Variants in CHRD observed in about 807,000 individuals in gnomAD.
CHRD encodes the protein chordin.
A neutral mutation model predicts 113.7 loss-of-function variants in CHRD; 69 were observed. The ratio of observed to expected loss-of-function variants is 0.61; its 90% confidence interval spans 0.50 to 0.74. CHRD has a LOEUF of 0.74. CHRD is among the 30% of genes least tolerant of loss of function. The pLI, the probability that CHRD is intolerant of heterozygous loss-of-function variation, is 0.00. For missense variants in CHRD, 1,194 were observed against 1,295.8 expected (o/e 0.92, Z 1.21); for synonymous variants, 561 against 540.8 (o/e 1.04, Z -0.52).
Position 184,383,175 on chromosome 3 carries a change from G to C in CHRD, c.1213+12G>C. On this transcript the variant is annotated intron_variant, in intron 10 of 22. Coordinates refer to ENST00000204604, the Ensembl canonical transcript of CHRD. ...GAAGAGCTGCGACGGTGAGGCGGGG[G>C]GGGGGCCTGGTGCGCCGGGCATGCA... The C allele has an allele frequency of 1.3e-6, 2 of 1,595,188 alleles. No individual in the cohort carries two copies. The highest frequency in any genetic ancestry group is 1.7e-6 in the Non-Finnish European group (2 of 1,170,524).
chr3:184,386,948 C>A lies in CHRD; in HGVS notation c.2290+10C>A. The A allele has an allele frequency of 1.2e-6, 2 of 1,614,200 alleles. No homozygotes were observed. The highest frequency in any genetic ancestry group is 1.7e-6 in the Non-Finnish European group (2 of 1,180,026). On this transcript the variant is annotated intron_variant, in intron 17 of 22. Coordinates refer to ENST00000204604, the Ensembl canonical transcript of CHRD. ...TGCCCTGTTTGCCCTGGTGAGTTCC[C>A]CGCAGGGGAGTGGAGGGAGGAGTTG...
exon 7 of CHRD, chr3:184,382,427 G>A (rs751920863): frequency 6.2e-7 from 1 of 1,614,112 alleles, no homozygotes; most frequent in African/African-American, 1.3e-5. Context: ...GGTTGTCTCT[G>A]CGGCTCCTTA....
At chr3:184,382,254 G>C in intron 6 of CHRD, 135 bp from the exon 7 acceptor site, 1 of 1,416,960 alleles carries the variant, frequency 7.1e-7, no homozygotes, top group Non-Finnish European at 9.7e-7. Context: ...TGGCTCCAGC[G>C]TTCTTTCTTA....
At chr3:184,385,202 G>A (rs773129469) in exon 14 of CHRD, 5 of 1,613,916 alleles carry the variant, frequency 3.1e-6, no homozygotes, top group Non-Finnish European at 3.4e-6. Flanking sequence ...GAACGCCAGG[G>A]CCTCGGCGGC....
At position 184,381,554 on chromosome 3, in the gene CHRD, G is replaced by C. The variant is rs3749228; in HGVS notation, c.441G>C (p.Pro147=). Reference sequence around the variant, plus strand: ...TGTCCTTCGAGTATCCGCGGGACCCGGAGCATCGCAGTTATAGCGACCGCG... The same window carrying C: ...TGTCCTTCGAGTATCCGCGGGACCCCGAGCATCGCAGTTATAGCGACCGCG... The change falls in exon 4 of 23, where the codon CCG becomes CCC. Residue 147 remains proline, a synonymous_variant. Transcript: ENST00000204604. This position sits in a 1 kb window ranked among gnomAD's most constrained non-coding sequence, Gnocchi z 4.7. The C allele has an allele frequency of 0.071, 113,800 of 1,608,064 alleles. 4,725 individuals carry two copies. The highest frequency in any genetic ancestry group is 0.13 in the Admixed American group (7,785 of 59,586).
chr3:184,384,369 C>T lies in CHRD; in HGVS notation c.1441-168C>T, dbSNP rs1244390720. 6.6e-6 allele frequency among the ~76,000 whole-genome samples: 1 copy of T among 152,196 alleles called. No individual in the cohort carries two copies. Among genetic ancestry groups the T allele is most frequent in the East Asian group, 1.9e-4 (1 of 5,196 alleles). ...GTTACTCTTGAAGGTTGTTACATAGCTAGGAAGCAGCAGGGGAGGGCCTTG... is the reference window on the plus strand; with the variant it reads ...GTTACTCTTGAAGGTTGTTACATAGTTAGGAAGCAGCAGGGGAGGGCCTTG... On this transcript the variant is annotated intron_variant, in intron 12 of 22. Transcript: ENST00000204604. This position sits in a 1 kb window ranked among gnomAD's most constrained non-coding sequence, Gnocchi z 4.4.
At position 184,384,908 on chromosome 3, in the gene CHRD, ACAGTGTCTTC is replaced by A; in HGVS notation, c.1598-106_1598-97del. ...TGCTCTCCAGGCCCTGGACCTATGGACAGTGTCTTCCAGCTCGTGGAATGTGTGCTGGGGA... is the reference window on the plus strand; with the variant it reads ...TGCTCTCCAGGCCCTGGACCTATGGACAGCTCGTGGAATGTGTGCTGGGGA... On this transcript the variant is annotated intron_variant, in intron 13 of 22. Coordinates refer to ENST00000204604, the Ensembl canonical transcript of CHRD. The surrounding 1 kb of genome is among the most constrained non-coding windows in gnomAD (Gnocchi z 4.4). The A allele has an allele frequency of 7.7e-7, 1 of 1,295,716 alleles. No individual in the cohort carries two copies. Among genetic ancestry groups the A allele is most frequent in the Non-Finnish European group, 1.1e-6 (1 of 918,586 alleles). The allele number at this position is 1,295,716 out of a possible 1,614,324, so 80.3% of individuals were successfully genotyped here.
At position 184,385,302 on chromosome 3, in the gene CHRD, G is replaced by A. The variant is rs1560307301; in HGVS notation, c.1818+64G>A. ...TGTTTTTTAGCTTGAAGGGCTGTGT[G>A]GGCCTGTGTTGGGGAAAGCAGAGAG... On this transcript the variant is annotated intron_variant, in intron 14 of 22. Coordinates refer to ENST00000204604, the Ensembl canonical transcript of CHRD. 1.8e-5 allele frequency: 23 copies of A among 1,263,074 alleles called. No individual in the cohort carries two copies. In the South Asian group the frequency reaches 2.3e-4, roughly 13 times the overall value. 78.2% of individuals were successfully genotyped at this position (1,263,074 alleles called of 1,614,324 possible).
At chr3:184,389,575 C>T (rs372591417) in exon 23 of CHRD, 16 of 672,552 alleles carry the variant, frequency 2.4e-5, no homozygotes, top group African/African-American at 1.4e-4. Flanking sequence ...CTGGGAACCA[C>T]AGCTCCACAA....
Position 184,388,100 on chromosome 3 carries a change from G to A in CHRD, c.2554+67G>A. On this transcript the variant is annotated intron_variant, in intron 20 of 22. Transcript: ENST00000204604. This position sits in a 1 kb window ranked among gnomAD's most constrained non-coding sequence, Gnocchi z 6.1. ...GAGGCAGGCTTTGTCCTGGGTGAGG[G>A]GAAGGGTGCTCAGTTAATTGAGCAT... is the stretch of plus-strand genomic sequence containing the variant. The A allele has an allele frequency of 1.5e-6, 2 of 1,365,876 alleles. No homozygotes were observed. The highest frequency in any genetic ancestry group is 2.1e-6 in the Non-Finnish European group (2 of 968,258). 84.6% of individuals were successfully genotyped at this position (1,365,876 alleles called of 1,614,324 possible).
intron 22 of CHRD, 86 bp from the exon 23 acceptor site, chr3:184,389,281 G>A: frequency 7.8e-7 from 1 of 1,289,084 alleles, no homozygotes. Flanking sequence ...GACCAAGGCA[G>A]GGATGCTTTG....
rs577033102 is a variant in CHRD, at chr3:184,384,274, G to T, written c.1441-263G>T. On this transcript the variant is annotated intron_variant, in intron 12 of 22. Coordinates refer to ENST00000204604, the Ensembl canonical transcript of CHRD. The surrounding 1 kb of genome is among the most constrained non-coding windows in gnomAD (Gnocchi z 4.4). Reference sequence around the variant, plus strand: ...CCATGTGCTAGGTGCTGCATTGGTGGCCTTACATAGTTTTTGGCTTTCACA... The same window carrying T: ...CCATGTGCTAGGTGCTGCATTGGTGTCCTTACATAGTTTTTGGCTTTCACA... Among the ~76,000 whole-genome samples the T allele has an allele frequency of 5.3e-5, 8 of 152,346 alleles. No individual in the cohort carries two copies. The highest frequency in any genetic ancestry group is 1.7e-4 in the African/African-American group (7 of 41,572).
At position 184,388,229 on chromosome 3, in the gene CHRD, ATCCATCCG is replaced by A. The variant is rs1212953600; in HGVS notation, c.2554+204_2554+211del. ...TATGATGGGTTCTGGTTCCTGCTCC[ATCCATCCG>A]TCCATCCATCCATCCATCCATCCAT... On this transcript the variant is annotated intron_variant, in intron 20 of 22. Coordinates refer to ENST00000204604, the Ensembl canonical transcript of CHRD. This position sits in a 1 kb window ranked among gnomAD's most constrained non-coding sequence, Gnocchi z 6.1. 7.0e-6 allele frequency among the ~76,000 whole-genome samples: 1 copy of A among 142,468 alleles called. No homozygotes were observed. The highest frequency in any genetic ancestry group is 2.7e-5 in the African/African-American group (1 of 36,504). The allele number at this position is 142,468 out of a possible 152,430, so 93.5% of individuals were successfully genotyped here.
Position 184,383,302 on chromosome 3 carries a change from C to A in CHRD, c.1214-10C>A, listed in dbSNP as rs375919254. The A allele has an allele frequency of 1.7e-5, 27 of 1,611,482 alleles. No homozygotes were observed. Among genetic ancestry groups the A allele is most frequent in the Non-Finnish European group, 2.2e-5 (26 of 1,178,582 alleles). ...GTAAACCTAGCCTCACCTGTCTTGC[C>A]CCTCCGTAGTCCTGCAAAGTGTCCT... On this transcript the variant is annotated splice_polypyrimidine_tract_variant and intron_variant, in intron 10 of 22. Coordinates refer to ENST00000204604, the Ensembl canonical transcript of CHRD.
At chr3:184,382,821 CTG>C in intron 8 of CHRD, 33 bp from the exon 9 acceptor site, 1 of 1,612,490 alleles carries the variant, frequency 6.2e-7, no homozygotes, top group East Asian at 2.2e-5. Context: ...GGGAGAGCAC[CTG>C]TCTCAGAAAG....
At position 184,380,886 on chromosome 3, in the gene CHRD, G is replaced by C; in HGVS notation, c.252+91G>C. On this transcript the variant is annotated intron_variant, in intron 2 of 22. Transcript: ENST00000204604. The surrounding 1 kb of genome is among the most constrained non-coding windows in gnomAD (Gnocchi z 6.3). ...GAGTGGACTCGGAGCTGCTGAGAAG[G>C]AGCCCAGTCGGCAGATGTTGGGGAT... 1.0e-6 allele frequency: 1 copy of C among 978,000 alleles called. No homozygotes were observed. The highest frequency in any genetic ancestry group is 1.5e-6 in the Non-Finnish European group (1 of 653,938). 60.6% of individuals were successfully genotyped at this position (978,000 alleles called of 1,614,324 possible).
Position 184,383,170 on chromosome 3 carries a change from C to CG in CHRD, c.1213+17dup, listed in dbSNP as rs370232913. On this transcript the variant is annotated splice_region_variant and intron_variant, in intron 10 of 22. Transcript: ENST00000204604. ...GCCAGGAAGAGCTGCGACGGTGAGG[C>CG]GGGGGGGGGGCCTGGTGCGCCGGGC... is the stretch of plus-strand genomic sequence containing the variant. The CG allele has an allele frequency of 0.019, 25,830 of 1,372,308 alleles. 31 individuals are homozygous for CG. Among genetic ancestry groups the CG allele is most frequent in the South Asian group, 0.036 (2,698 of 74,274 alleles). The allele number at this position is 1,372,308 out of a possible 1,614,324, so 85.0% of individuals were successfully genotyped here.
At chr3:184,383,602 T>C in exon 12 of CHRD, 1 of 1,613,798 alleles carries the variant, frequency 6.2e-7, no homozygotes, top group Non-Finnish European at 8.5e-7. Context: ...CAGCGCACTG[T>C]CCTGTGCCAC....
Position 184,381,950 on chromosome 3 carries a change from G to A in CHRD, c.629G>A (p.Arg210Lys), listed in dbSNP as rs1210118589. 15 of 1,614,188 alleles carry A rather than the reference G, an allele frequency of 9.3e-6. No individual in the cohort carries two copies. The highest frequency in any genetic ancestry group is 1.3e-5 in the African/African-American group (1 of 75,068). ...ATTCCCAGGCTGGACCGCCCTACCAGGATCCGCTTCTCAGACTCCAATGGC... is the reference window on the plus strand; with the variant it reads ...ATTCCCAGGCTGGACCGCCCTACCAAGATCCGCTTCTCAGACTCCAATGGC... Residue 210 changes from arginine to lysine, a missense_variant, in exon 6 of 23, where the codon AGG becomes AAG. Physicochemically the swap from Arg to Lys is conservative, Grantham distance 26. Coordinates refer to ENST00000204604, the Ensembl canonical transcript of CHRD. This position sits in a 1 kb window ranked among gnomAD's most constrained non-coding sequence, Gnocchi z 4.7.
Sources: allele counts gnomAD v4.1 joint callset (sites outside exome capture counted in the v4.1 genomes callset), GRCh38; gene constraint gnomAD v4.1.1; non-coding constraint Gnocchi (gnomAD v3.1); transcripts MANE v1.5; gene names NCBI Gene and HGNC (gene_info 2026-07-23, HGNC 2026-07-21).